Variants in GABRG3 observed in about 807,000 individuals in gnomAD.
GABRG3 encodes gamma-aminobutyric acid receptor subunit gamma-3.
In GABRG3, 25 loss-of-function variants were observed where a neutral mutation model predicts 48.8. That is an observed-to-expected ratio of 0.51 (90% CI 0.37 to 0.72). The LOEUF (loss-of-function observed/expected upper bound fraction) is 0.72, where lower values mean the gene tolerates loss of function less well. GABRG3 is among the 30% of genes least tolerant of loss of function. GABRG3 has a pLI of 0.00. For missense variants in GABRG3, 394 were observed against 577.9 expected (o/e 0.68, Z 3.26); for synonymous variants, 227 against 217.6 (o/e 1.04, Z -0.38).
At chr15:27,166,262 ATTC>A (rs1005701414) in intron 3 of GABRG3, among the ~76,000 whole-genome samples, 6 of 152,186 alleles carry the variant, frequency 3.9e-5, no homozygotes, top group African/African-American at 1.4e-4. Context: ...AAAGAAGTGT[ATTC>A]TTCTTTTCTT....
At chr15:27,261,131 T>G (rs924262600) in intron 3 of GABRG3, among the ~76,000 whole-genome samples, 1 of 152,082 alleles carries the variant, frequency 6.6e-6, no homozygotes, top group African/African-American at 2.4e-5. Flanking sequence ...GAAATTAGGA[T>G]CTGAGGAATG....
chr15:27,456,756 A>T (rs1889294877), intron 5 of GABRG3, among the ~76,000 whole-genome samples: 1 of 152,148 alleles, frequency 6.6e-6, no homozygotes, highest in Non-Finnish European at 1.5e-5. Context: ...GGTCTCAGAT[A>T]CTTGTGGGCC....
intron 7 of GABRG3, among the ~76,000 whole-genome samples, chr15:27,520,788 T>C (rs1463542838): frequency 2.6e-5 from 4 of 151,076 alleles, no homozygotes; most frequent in African/African-American, 9.8e-5. Context: ...ATATAGAGAT[T>C]GTTTTCCCCT....
At chr15:27,016,390 AT>A (rs569734542) in intron 2 of GABRG3, among the ~76,000 whole-genome samples, 8 of 151,306 alleles carry the variant, frequency 5.3e-5, no homozygotes, top group Admixed American at 5.3e-4. Context: ...TTGTTGGTTG[AT>A]TTTTTTTCCT....
chr15:27,475,474 A>ATGATGTG (rs1221675454), intron 5 of GABRG3, among the ~76,000 whole-genome samples: 21 of 152,076 alleles, frequency 1.4e-4, no homozygotes, highest in African/African-American at 4.6e-4. Flanking sequence ...GATGATGGCA[A>ATGATGTG]TGATGATAGT....
At chr15:27,399,012 G>A (rs1467141103) in intron 5 of GABRG3, among the ~76,000 whole-genome samples, 3 of 152,142 alleles carry the variant, frequency 2.0e-5, no homozygotes, top group Non-Finnish European at 2.9e-5. Flanking sequence ...CACCGTCAGA[G>A]CAATTGTTTA....
At chr15:27,408,364 T>G (rs1234694241) in intron 5 of GABRG3, among the ~76,000 whole-genome samples, 1 of 152,184 alleles carries the variant, frequency 6.6e-6, no homozygotes, top group Admixed American at 6.5e-5. Context: ...TTGAGAACAC[T>G]GTTTCCAGAA....
chr15:27,049,803 G>A (rs1896426456), intron 3 of GABRG3, among the ~76,000 whole-genome samples: 1 of 152,204 alleles, frequency 6.6e-6, no homozygotes, highest in African/African-American at 2.4e-5. Context: ...AGAAGAGCAG[G>A]GCTCTGGGAG....
At chr15:27,213,400 G>T (rs980276472) in intron 3 of GABRG3, among the ~76,000 whole-genome samples, 8 of 152,238 alleles carry the variant, frequency 5.3e-5, no homozygotes, top group South Asian at 4.1e-4. Context: ...AGCTGATGAG[G>T]TTGGCTTCCT....
chr15:27,328,036 C>G (rs1893674497), intron 4 of GABRG3, among the ~76,000 whole-genome samples: 1 of 151,316 alleles, frequency 6.6e-6, no homozygotes, highest in African/African-American at 2.4e-5. Flanking sequence ...TTAAAATAAG[C>G]AGACTGTGAG....
intron 3 of GABRG3, among the ~76,000 whole-genome samples, chr15:27,155,638 C>T (rs1251451592): frequency 6.6e-6 from 1 of 152,148 alleles, no homozygotes; most frequent in Non-Finnish European, 1.5e-5. Flanking sequence ...AGTTTCCGTC[C>T]TTGGGTTTAT....
intron 5 of GABRG3, among the ~76,000 whole-genome samples, chr15:27,464,930 C>CT (rs1889558922): frequency 6.6e-6 from 1 of 152,086 alleles, no homozygotes; most frequent in Non-Finnish European, 1.5e-5. Flanking sequence ...TTTGCATTGA[C>CT]TTTTTTTAAT....
chr15:27,465,894 CA>C (rs112658444), intron 5 of GABRG3, among the ~76,000 whole-genome samples: 25,335 of 152,144 alleles, frequency 0.17, 2,635 homozygotes, highest in African/African-American at 0.29. Flanking sequence ...TGCTGTATTT[CA>C]TTTTAAAATG....
At position 27,394,850 on chromosome 15, in the gene GABRG3, AT is replaced by A. The variant is rs905608189; in HGVS notation, c.574+65971del. ...TGTCGTTAAGCCCTTGTACTATGAG[AT>A]TTTTTTTTCTTGCTTGCTTTGAAGA... On this transcript the variant is annotated intron_variant, in intron 5 of 9. Transcript: ENST00000615808. Among the ~76,000 whole-genome samples, 6 of 151,234 alleles carry A rather than the reference AT, an allele frequency of 4.0e-5. No homozygotes were observed. In the East Asian group the frequency reaches 1.2e-3, roughly 29 times the overall value.
chr15:27,085,942 A>G (rs1897068260), intron 3 of GABRG3, among the ~76,000 whole-genome samples: 1 of 152,172 alleles, frequency 6.6e-6, no homozygotes, highest in African/African-American at 2.4e-5. Flanking sequence ...CTTTATAGTA[A>G]CTAACATTTT....
chr15:27,394,174 CCTT>C (rs2140579734), intron 5 of GABRG3, among the ~76,000 whole-genome samples: 1 of 152,128 alleles, frequency 6.6e-6, no homozygotes, highest in East Asian at 1.9e-4. Context: ...CCTCTCACTG[CCTT>C]CTTGTGTATT....
chr15:27,101,601 A>G (rs1283808628), intron 3 of GABRG3, among the ~76,000 whole-genome samples: 1 of 152,166 alleles, frequency 6.6e-6, no homozygotes, highest in Non-Finnish European at 1.5e-5. Flanking sequence ...ATAGATCTGA[A>G]TGGAGAATCC....
At position 27,536,726 on chromosome 15, in the gene GABRG3, C is replaced by G. The variant is rs973112464; in HGVS notation, c.*3845C>G. 2.0e-5 allele frequency: 3 copies of G among 152,122 alleles called. No individual in the cohort carries two copies. The East Asian group carries it at 5.8e-4, about 29-fold the overall frequency. 9.4% of individuals were successfully genotyped at this position (152,122 alleles called of 1,614,324 possible). On this transcript the variant is annotated 3_prime_UTR_variant, in exon 10 of 10. Transcript: ENST00000615808. Reference sequence around the variant, plus strand: ...CATTTTACCTGGTGATAGCTTGCTGCAGTAAGTTTGCAGGCATGTTGCTTC... The same window carrying G: ...CATTTTACCTGGTGATAGCTTGCTGGAGTAAGTTTGCAGGCATGTTGCTTC...
chr15:27,055,263 G>T (rs547569989), intron 3 of GABRG3, among the ~76,000 whole-genome samples: 6 of 152,048 alleles, frequency 3.9e-5, no homozygotes, highest in African/African-American at 1.4e-4. Context: ...CTTTCACCCC[G>T]TAACATCTTA....
Sources: allele counts gnomAD v4.1 joint callset (sites outside exome capture counted in the v4.1 genomes callset), GRCh38; gene constraint gnomAD v4.1.1; transcripts MANE v1.5; gene names NCBI Gene and HGNC (gene_info 2026-07-23, HGNC 2026-07-21).